GRIK2: variants seen among roughly 807,000 people sequenced by gnomAD.
The protein encoded by GRIK2 is glutamate receptor ionotropic, kainate 2.
In GRIK2, 32 loss-of-function variants were observed where a neutral mutation model predicts 100.3. The ratio of observed to expected loss-of-function variants is 0.32; its 90% CI spans 0.24 to 0.43. The LOEUF is 0.43. GRIK2 is among the 20% of genes least tolerant of loss of function. The pLI, the probability that GRIK2 is intolerant of heterozygous loss-of-function variation, is 1.00. For synonymous variants in GRIK2, 417 were observed against 389.4 expected (o/e 1.07, Z -0.83); for missense variants, 843 against 1,114.9 (o/e 0.76, Z 3.47).
At chr6:102,065,709 C>T (rs1223975863) in intron 16 of GRIK2, 12 of 730,634 alleles carry the variant, frequency 1.6e-5, no homozygotes, top group Admixed American at 8.9e-5. Context: ...CAATGTTACA[C>T]GTCCTATAAC....
At chr6:101,554,489 C>A (rs776621228) in intron 2 of GRIK2, among the ~76,000 whole-genome samples, 3 of 152,090 alleles carry the variant, frequency 2.0e-5, no homozygotes, top group Non-Finnish European at 4.4e-5. Context: ...GTGTCACTAC[C>A]AGGATATATA....
At chr6:101,468,333 A>G (rs184414951) in intron 2 of GRIK2, among the ~76,000 whole-genome samples, 1 of 152,224 alleles carries the variant, frequency 6.6e-6, no homozygotes, top group Non-Finnish European at 1.5e-5. Context: ...ACTAATGCTT[A>G]TCTTCACATG....
intron 11 of GRIK2, among the ~76,000 whole-genome samples, chr6:101,871,487 G>C (rs990516545): frequency 6.6e-6 from 1 of 150,962 alleles, no homozygotes; most frequent in African/African-American, 2.5e-5. Context: ...AACCCCGATA[G>C]TGAGCATCAC....
intron 2 of GRIK2, among the ~76,000 whole-genome samples, chr6:101,528,060 C>A (rs1775240941): frequency 6.6e-6 from 1 of 152,030 alleles, no homozygotes; most frequent in African/African-American, 2.4e-5. Flanking sequence ...GTTGCTGAAC[C>A]TACTTTAACT....
intron 2 of GRIK2, among the ~76,000 whole-genome samples, chr6:101,535,767 A>T (rs546019406): frequency 1.2e-4 from 18 of 151,686 alleles, no homozygotes; most frequent in African/African-American, 4.3e-4. Context: ...TTTTTTCATT[A>T]TGTTGACATA....
At chr6:102,049,767 C>A (rs1053297766) in intron 15 of GRIK2, among the ~76,000 whole-genome samples, 1 of 152,052 alleles carries the variant, frequency 6.6e-6, no homozygotes, top group African/African-American at 2.4e-5. Context: ...GATTTTGTTT[C>A]TGACCCTTGT....
chr6:101,998,810 TTC>T (rs1491439033), intron 14 of GRIK2, among the ~76,000 whole-genome samples: 21 of 135,770 alleles, frequency 1.5e-4, no homozygotes, highest in African/African-American at 5.1e-4. Context: ...CTTTTTTCTT[TTC>T]TTTTTTTTTT....
intron 4 of GRIK2, among the ~76,000 whole-genome samples, chr6:101,654,980 G>C (rs1393784453): frequency 6.6e-6 from 1 of 152,086 alleles, no homozygotes; most frequent in Non-Finnish European, 1.5e-5. Context: ...GAGTGTCCTG[G>C]TACAACTAAC....
intron 2 of GRIK2, among the ~76,000 whole-genome samples, chr6:101,467,682 T>C (rs990020630): frequency 1.3e-5 from 2 of 152,184 alleles, no homozygotes; most frequent in African/African-American, 4.8e-5. Flanking sequence ...CTCCGAGTGA[T>C]TATATTTTAA....
In GRIK2 at chr6:101,686,167, A is replaced by G; in HGVS notation, c.778-13A>G. On this transcript the variant is annotated splice_polypyrimidine_tract_variant and intron_variant, in intron 6 of 16. Coordinates refer to ENST00000369134, the MANE Select transcript of GRIK2 (RefSeq NM_021956.5). ...CTGTCCATAATAACAACACAATAAC[A>G]TTTGTCTTTCAGGACCTCTTTGCTC... is the stretch of plus-strand genomic sequence containing the variant. 2 of 1,601,492 alleles carry G rather than the reference A, an allele frequency of 1.2e-6. No individual in the cohort carries two copies. The highest frequency in any genetic ancestry group is 2.2e-5 in the East Asian group (1 of 44,696).
At chr6:101,712,835 G>A (rs2128360081) in intron 7 of GRIK2, among the ~76,000 whole-genome samples, 2 of 151,916 alleles carry the variant, frequency 1.3e-5, no homozygotes, top group East Asian at 1.9e-4. Context: ...AGAAGCTCTT[G>A]TAGGCTTTAA....
chr6:101,925,426 T>A (rs1206517233), intron 13 of GRIK2, among the ~76,000 whole-genome samples: 1 of 152,000 alleles, frequency 6.6e-6, no homozygotes, highest in African/African-American at 2.4e-5. Context: ...TCAGTTTTTT[T>A]CAAGCAGAAT....
intron 2 of GRIK2, among the ~76,000 whole-genome samples, chr6:101,523,975 G>A (rs1194501285): frequency 6.6e-6 from 1 of 152,076 alleles, no homozygotes; most frequent in Admixed American, 6.6e-5. Context: ...ACCCGCCTTG[G>A]CCTCCCACAG....
chr6:101,910,324 G>A (rs1398470765), intron 12 of GRIK2, among the ~76,000 whole-genome samples: 1 of 151,020 alleles, frequency 6.6e-6, no homozygotes, highest in Non-Finnish European at 1.5e-5. Context: ...CAAGTGACTG[G>A]GGGATTTTGT....
intron 12 of GRIK2, among the ~76,000 whole-genome samples, chr6:101,908,143 G>A (rs1788372632): frequency 6.6e-6 from 1 of 151,330 alleles, no homozygotes; most frequent in Non-Finnish European, 1.5e-5. Context: ...AAATTTAGAA[G>A]AAAATTTTAT....
At chr6:101,659,101 T>G (rs1313176842) in intron 4 of GRIK2, among the ~76,000 whole-genome samples, 2 of 151,322 alleles carry the variant, frequency 1.3e-5, no homozygotes, top group Non-Finnish European at 3.0e-5. Flanking sequence ...GTCTTTGCTC[T>G]GAATCATATT....
intron 2 of GRIK2, among the ~76,000 whole-genome samples, chr6:101,572,061 A>G (rs1420498313): frequency 1.3e-5 from 2 of 152,154 alleles, no homozygotes; most frequent in East Asian, 1.9e-4. Context: ...GTGATTCTCA[A>G]CACTGTTGAT....
intron 14 of GRIK2, among the ~76,000 whole-genome samples, chr6:101,942,253 G>A (rs949093688): frequency 6.6e-6 from 1 of 152,104 alleles, no homozygotes; most frequent in Non-Finnish European, 1.5e-5. Context: ...AATCATGGGG[G>A]CATTTTCTAA....
intron 2 of GRIK2, among the ~76,000 whole-genome samples, chr6:101,421,496 T>C (rs888732399): frequency 4.6e-5 from 7 of 152,208 alleles, no homozygotes; most frequent in Admixed American, 2.6e-4. Context: ...TGTTCATTAA[T>C]CCTTTGTCAT....
Sources: gnomAD v4.1 joint callset for allele counts (sites outside exome capture counted in the v4.1 genomes callset) on GRCh38, gnomAD v4.1.1 for gene constraint, MANE v1.5 for transcripts, NCBI Gene and HGNC (gene_info 2026-07-23, HGNC 2026-07-21) for gene names.